BCR: variants seen among roughly 807,000 people sequenced by gnomAD.
The protein encoded by BCR is BCR activator of RhoGEF and GTPase.
BCR carries 58 observed loss-of-function variants against 138.6 expected under a neutral mutation model. That is an observed-to-expected ratio of 0.42 (90% CI 0.34 to 0.52). The LOEUF is 0.52. Ranked by LOEUF, BCR falls within the 20% of genes least tolerant of loss-of-function variation. The pLI, the probability that BCR is intolerant of heterozygous loss-of-function variation, is 0.06. For missense variants in BCR, 1,599 were observed against 1,727.2 expected (o/e 0.93, Z 1.32); for synonymous variants, 786 against 730.1 (o/e 1.08, Z -1.23).
At chr22:23,273,301 G>T (rs978826919) in intron 7 of BCR, among the ~76,000 whole-genome samples, 168 bp downstream of exon 7, 2 of 152,062 alleles carry the variant, frequency 1.3e-5, no homozygotes, top group African/African-American at 4.8e-5. Flanking sequence ...GTAGGGAAAG[G>T]ACAGCTCTCT....
chr22:23,279,276 A>G (rs907312723), intron 8 of BCR, among the ~76,000 whole-genome samples: 10 of 152,342 alleles, frequency 6.6e-5, no homozygotes, highest in African/African-American at 2.4e-4. Context: ...CAGATTGGCC[A>G]TGGGAGGCTT....
Position 23,260,952 on chromosome 22 carries a change from T to G in BCR, c.1464T>G (p.Ser488Arg). Reference sequence around the variant, plus strand: ...ACTTCTGTCTATTTCTCCTGCAGAGTGAGCTGGACTTGGAAAAGGGCTTGG... The same window carrying G: ...ACTTCTGTCTATTTCTCCTGCAGAGGGAGCTGGACTTGGAAAAGGGCTTGG... ...VSGALESTKA[S>R]ELDLEKGLEM... Residue 488 changes from serine (S) to arginine (R), a missense_variant and splice_region_variant, in exon 3 of 23, where the codon AGT (serine) becomes AGG (arginine). Coordinates refer to ENST00000305877, the MANE Select transcript of BCR (RefSeq NM_004327.4). The G allele has an allele frequency of 6.2e-7, 1 of 1,613,808 alleles. No homozygotes were observed. Among genetic ancestry groups the G allele is most frequent in the Non-Finnish European group, 8.5e-7 (1 of 1,179,868 alleles).
intron 1 of BCR, among the ~76,000 whole-genome samples, chr22:23,252,432 C>CTT (rs71200842): frequency 1.1e-3 from 134 of 117,912 alleles, no homozygotes; most frequent in African/African-American, 4.4e-3. Context: ...CTTTTCTTTT[C>CTT]TTTTTTTTTT....
At chr22:23,183,624 T>C (rs899039750) in intron 1 of BCR, among the ~76,000 whole-genome samples, 8 of 152,206 alleles carry the variant, frequency 5.3e-5, no homozygotes, top group African/African-American at 1.2e-4. Flanking sequence ...TCTGGAGGAT[T>C]GCCTTGTGGT....
At chr22:23,237,073 T>C (rs1261213020) in intron 1 of BCR, among the ~76,000 whole-genome samples, 2 of 152,202 alleles carry the variant, frequency 1.3e-5, no homozygotes, top group African/African-American at 4.8e-5. Flanking sequence ...CCCAGGATCG[T>C]GGAGTTCTTG....
intron 1 of BCR, among the ~76,000 whole-genome samples, chr22:23,220,564 C>T (rs2072812978): frequency 6.6e-6 from 1 of 152,192 alleles, no homozygotes; most frequent in Non-Finnish European, 1.5e-5. Context: ...CTTCTGAGGC[C>T]CTGAGGCTGC....
At chr22:23,240,538 C>G (rs2073078149) in intron 1 of BCR, among the ~76,000 whole-genome samples, 1 of 151,890 alleles carries the variant, frequency 6.6e-6, no homozygotes, top group Non-Finnish European at 1.5e-5. Flanking sequence ...GTAGTTCCAG[C>G]TAATCGGGAG....
Position 23,181,250 on chromosome 22 carries a change from C to A in BCR, c.290C>A (p.Pro97Gln), listed in dbSNP as rs1442627321. ...ASEPRASASR[P>Q]QPAPADGADP... ...GAGCCCCGAGCGTCCGCGTCGCGCC[C>A]GCAGCCAGCGCCCGCCGACGGAGCC... Residue 97 changes from proline (P) to glutamine (Q), a missense_variant, in exon 1 of 23, where the codon CCG becomes CAG. By Grantham distance (76) the Pro-to-Gln change is moderately conservative (BLOSUM62 -1). Transcript: ENST00000305877. 8 of 1,242,904 alleles carry A rather than the reference C, an allele frequency of 6.4e-6. No individual in the cohort carries two copies. Among genetic ancestry groups the A allele is most frequent in the African/African-American group, 1.6e-5 (1 of 63,018 alleles). The allele number at this position is 1,242,904 out of a possible 1,614,324, so 77.0% of individuals were successfully genotyped here. A position where few individuals can be genotyped will look rare whatever the true frequency, so the allele number is the denominator to read the frequency against.
chr22:23,258,761 G>A (rs2073323868), intron 2 of BCR, among the ~76,000 whole-genome samples: 1 of 152,232 alleles, frequency 6.6e-6, no homozygotes, highest in Non-Finnish European at 1.5e-5. Flanking sequence ...CCCTGACAGA[G>A]ACTCCTCCGG....
intron 5 of BCR, among the ~76,000 whole-genome samples, chr22:23,269,588 C>T (rs1005762104): frequency 6.6e-6 from 1 of 152,214 alleles, no homozygotes; most frequent in African/African-American, 2.4e-5. Flanking sequence ...CAGTACCTGC[C>T]GCTCTGTTCT....
At position 23,284,074 on chromosome 22, in the gene BCR, C is replaced by G. The variant is rs1377292977; in HGVS notation, c.2213C>G (p.Thr738Ser). Residue 738 changes from threonine to serine, a missense_variant, in exon 9 of 23, where the codon ACC becomes AGC. Coordinates refer to ENST00000305877, the MANE Select transcript of BCR (RefSeq NM_004327.4). ...CTGTTCACCGACCTGCTTCTCTGCA[C>G]CAAGCTCAAGAAGCAGAGCGGAGGG... ...VFLFTDLLLC[T>S]KLKKQSGGKT... 8 of 1,612,098 alleles carry G rather than the reference C, an allele frequency of 5.0e-6. No homozygotes were observed. Among genetic ancestry groups the G allele is most frequent in the Non-Finnish European group, 5.9e-6 (7 of 1,179,362 alleles).
chr22:23,305,481 C>G (rs767754486), intron 16 of BCR, among the ~76,000 whole-genome samples: 8 of 152,222 alleles, frequency 5.3e-5, no homozygotes, highest in Non-Finnish European at 1.2e-4. Context: ...TCCAGCCACA[C>G]TGACTACAAA....
rs559207941 is a variant in BCR, at chr22:23,250,508, C to G, written c.1280-3291C>G. Among the ~76,000 whole-genome samples, 3 of 152,282 alleles carry G rather than the reference C, an allele frequency of 2.0e-5. No homozygotes were observed. The East Asian group carries it at 5.8e-4, about 29-fold the overall frequency. On this transcript the variant is annotated intron_variant, in intron 1 of 22. Transcript: ENST00000305877. ...CCGACCAAAAACAAAACTAAGAACCCATGAGTGTATTCTCTCCCTTGGGCA... is the reference window on the plus strand; with the variant it reads ...CCGACCAAAAACAAAACTAAGAACCGATGAGTGTATTCTCTCCCTTGGGCA...
At chr22:23,203,511 G>A (rs1013146306) in intron 1 of BCR, among the ~76,000 whole-genome samples, 13 of 152,196 alleles carry the variant, frequency 8.5e-5, no homozygotes, top group African/African-American at 3.1e-4. Context: ...GGTCAGAGGA[G>A]TCTGTGCTAG....
intron 16 of BCR, among the ~76,000 whole-genome samples, chr22:23,303,959 G>T: frequency 8.0e-6 from 1 of 125,436 alleles, no homozygotes; most frequent in African/African-American, 3.2e-5. Context: ...TTTTAAGACA[G>T]GGTCTTGCTC....
chr22:23,181,964 A>G lies in BCR; in HGVS notation c.1004A>G (p.Asn335Ser), dbSNP rs199978062. The change falls in exon 1 of 23, where the codon AAT (asparagine) becomes AGT (serine). Residue 335 changes from asparagine to serine, a missense_variant. Physicochemically the swap from Asn to Ser is conservative, Grantham distance 46. Transcript: ENST00000305877. ...GGGYTPDCSS[N>S]ENLTSSEEDF... ...GGCTATACCCCGGACTGCAGCTCCA[A>G]TGAGAACCTCACCTCCAGCGAGGAG... The G allele has an allele frequency of 5.6e-6, 9 of 1,613,166 alleles. No individual in the cohort carries two copies. Among genetic ancestry groups the G allele is most frequent in the African/African-American group, 1.3e-5 (1 of 74,938 alleles).
At chr22:23,312,368 C>G (rs1184227070) in intron 19 of BCR, 1 of 185,416 alleles carries the variant, frequency 5.4e-6, no homozygotes, top group East Asian at 1.2e-4. Context: ...CACCACCAAC[C>G]CTGACCAGGA....
intron 4 of BCR, among the ~76,000 whole-genome samples, chr22:23,267,246 G>A (rs1316206011): frequency 6.6e-6 from 1 of 152,134 alleles, no homozygotes; most frequent in Non-Finnish European, 1.5e-5. Flanking sequence ...AAAGAAGGAA[G>A]AGCTCTGGGC....
chr22:23,211,891 G>C (rs879417226), intron 1 of BCR, among the ~76,000 whole-genome samples: 11 of 152,058 alleles, frequency 7.2e-5, no homozygotes, highest in African/African-American at 2.7e-4. Context: ...GTTCCTTCTT[G>C]AGCCTGGACC....
Sources: gnomAD v4.1 joint callset for allele counts (sites outside exome capture counted in the v4.1 genomes callset) on GRCh38, gnomAD v4.1.1 for gene constraint, MANE v1.5 for transcripts, NCBI Gene and HGNC (gene_info 2026-07-23, HGNC 2026-07-21) for gene names.